The following VPS50 variants were observed in gnomAD, a reference collection of about 807,000 sequenced individuals.
VPS50 encodes VPS50 subunit of EARP/GARPII complex.
A neutral mutation model predicts 139.7 loss-of-function variants in VPS50; 70 were observed. The observed-to-expected ratio is 0.50, with a 90% confidence interval of 0.41 to 0.61. The LOEUF is 0.61. Among genes scored for constraint, VPS50 ranks in the 20% least tolerant of loss-of-function variants. VPS50 has a pLI of 0.00. For missense variants in VPS50, 921 were observed against 1,133.7 expected, an observed-to-expected ratio of 0.81 and a Z score of 2.69; for synonymous variants, 365 against 376.7, an observed-to-expected ratio of 0.97 and a Z score of 0.36.
intron 25 of VPS50, among the ~76,000 whole-genome samples, chr7:93,351,036 A>G (rs1798541292): frequency 6.6e-6 from 1 of 152,102 alleles, no homozygotes. Context: ...TAAAATAGAG[A>G]TGGTAATGGA....
Position 93,358,582 on chromosome 7 carries a change from T to A in VPS50, c.*146T>A, listed in dbSNP as rs1798770697. ...GACTGGAAAGTGGAAAATATTGAAA[T>A]GTGTGTGGTGTTCTCATGACTTTTA... On this transcript the variant is annotated 3_prime_UTR_variant, in exon 28 of 28. Transcript: ENST00000305866. 1.5e-6 allele frequency: 1 copy of A among 666,592 alleles called. No homozygotes were observed. The highest frequency in any genetic ancestry group is 2.6e-6 in the Non-Finnish European group (1 of 383,744). The allele number at this position is 666,592 out of a possible 1,614,324, so 41.3% of individuals were successfully genotyped here.
Position 93,297,173 on chromosome 7 carries a change from G to A in VPS50, c.1291G>A (p.Gly431Ser), listed in dbSNP as rs756733532. ...RLMQVGEEFC[G>S]SKSEVLQESI... ...GATGCAAGTTGGAGAAGAATTTTGT[G>A]GTAGCAAGTCTGAAGTTTTACAGGA... Residue 431 changes from glycine (G) to serine (S), a missense_variant, in exon 16 of 28, where the codon GGT (glycine) becomes AGT (serine). By Grantham distance (56) the Gly-to-Ser change is moderately conservative. This residue lies in a region of VPS50 where 744 missense variants were observed against 930.6 expected (regional missense o/e 0.80). Coordinates refer to ENST00000305866, the MANE Select transcript of VPS50 (RefSeq NM_017667.4). 5 of 1,563,202 alleles carry A rather than the reference G, an allele frequency of 3.2e-6. No homozygotes were observed. The highest frequency in any genetic ancestry group is 3.3e-4 in the Middle Eastern group (2 of 5,974).
intron 13 of VPS50, among the ~76,000 whole-genome samples, chr7:93,293,329 A>C (rs1302951857): frequency 6.6e-6 from 1 of 152,194 alleles, no homozygotes; most frequent in Non-Finnish European, 1.5e-5. Flanking sequence ...TAGATATCAG[A>C]ATTTAGGTGA....
intron 21 of VPS50, 58 bp downstream of exon 21, chr7:93,323,790 C>A: frequency 1.1e-6 from 1 of 893,050 alleles, no homozygotes. Flanking sequence ...TTATAAATGT[C>A]AAAGTTTTTC....
chr7:93,315,114 G>T lies in VPS50; in HGVS notation c.1855+3842G>T, dbSNP rs533523346. On this transcript the variant is annotated intron_variant, in intron 20 of 27. Transcript: ENST00000305866. ...TATCTCCTCTCTCCTATTTTTTTTT[G>T]TTGTTGTTTTGTTTCAAAAATTGGA... Among the ~76,000 whole-genome samples the T allele has an allele frequency of 5.2e-3, 783 of 150,788 alleles. 7 individuals carry two copies. The highest frequency in any genetic ancestry group is 0.018 in the African/African-American group (737 of 41,140).
intron 27 of VPS50, among the ~76,000 whole-genome samples, chr7:93,358,104 T>C (rs988640325): frequency 6.6e-6 from 1 of 152,146 alleles, no homozygotes; most frequent in African/African-American, 2.4e-5. Context: ...TGCTTACTGT[T>C]TCAAATGTGT....
intron 19 of VPS50, 61 bp downstream of exon 19, chr7:93,309,003 T>C: frequency 1.2e-6 from 1 of 869,550 alleles, no homozygotes; most frequent in Middle Eastern, 2.3e-4. Context: ...ACATATAGGA[T>C]TTCCTTTAAG....
Position 93,328,242 on chromosome 7 carries a change from A to G in VPS50, c.1977+4510A>G, listed in dbSNP as rs118191312. The stretch of plus-strand genomic sequence containing the variant: ...CTTTCTGGTTCACATTTTTTTGTGA[A>G]GACCATTCTGTAACTTACTTAAAAC... On this transcript the variant is annotated intron_variant, in intron 21 of 27. Transcript: ENST00000305866. Among the ~76,000 whole-genome samples the G allele has an allele frequency of 8.5e-3, 1,291 of 152,254 alleles. 9 individuals carry two copies. Among genetic ancestry groups the G allele is most frequent in the Non-Finnish European group, 0.013 (875 of 68,016 alleles).
intron 13 of VPS50, among the ~76,000 whole-genome samples, chr7:93,293,046 A>G (rs900338023): frequency 3.3e-5 from 5 of 152,160 alleles, no homozygotes; most frequent in African/African-American, 7.2e-5. Flanking sequence ...CCCATTCTTC[A>G]GTTTGCTCCT....
At chr7:93,259,692 T>C (rs1183629252) in intron 9 of VPS50, 60 bp downstream of exon 9, 1 of 845,332 alleles carries the variant, frequency 1.2e-6, no homozygotes, top group East Asian at 2.5e-5. Context: ...GTAGCAGCTG[T>C]GTAAAAATGT....
At chr7:93,291,438 A>G (rs1796645272) in intron 12 of VPS50, among the ~76,000 whole-genome samples, 1 of 152,070 alleles carries the variant, frequency 6.6e-6, no homozygotes, top group African/African-American at 2.4e-5. Flanking sequence ...TTGCTAATTC[A>G]GTAATTTCTT....
chr7:93,340,165 TAATTA>T (rs1798174092), intron 22 of VPS50, among the ~76,000 whole-genome samples: 1 of 152,162 alleles, frequency 6.6e-6, no homozygotes, highest in Admixed American at 6.6e-5. Context: ...CAGAAAACAA[TAATTA>T]AAAGTCTCTT....
intron 4 of VPS50, 125 bp from the exon 5 acceptor site, chr7:93,256,384 A>C: frequency 4.0e-6 from 2 of 502,676 alleles, no homozygotes; most frequent in East Asian, 7.2e-5. Context: ...TAGTATGCCA[A>C]TATCTGCTCC....
chr7:93,292,573 CT>C (rs761011848), intron 13 of VPS50, among the ~76,000 whole-genome samples: 16 of 151,012 alleles, frequency 1.1e-4, no homozygotes, highest in African/African-American at 2.9e-4. Context: ...TACTGCACAT[CT>C]TTTTTTTTGT....
intron 1 of VPS50, among the ~76,000 whole-genome samples, chr7:93,234,975 C>G (rs1056602987): frequency 6.6e-6 from 1 of 151,582 alleles, no homozygotes; most frequent in Non-Finnish European, 1.5e-5. Context: ...AAGGCAGACA[C>G]GGTGATAAAC....
chr7:93,301,323 G>A (rs1263098332), intron 16 of VPS50, among the ~76,000 whole-genome samples: 1 of 150,496 alleles, frequency 6.6e-6, no homozygotes, highest in Non-Finnish European at 1.5e-5. Context: ...GAAATACGTT[G>A]TTGTAATGGT....
intron 20 of VPS50, chr7:93,321,169 C>T (rs979861316): frequency 1.3e-5 from 2 of 152,198 alleles, no homozygotes; most frequent in Non-Finnish European, 2.9e-5. Context: ...AGAGACTGTG[C>T]GGTATGCAAA....
At chr7:93,254,669 A>G (rs576226650) in intron 4 of VPS50, among the ~76,000 whole-genome samples, 1 of 151,494 alleles carries the variant, frequency 6.6e-6, no homozygotes, top group African/African-American at 2.4e-5. Flanking sequence ...AACCTCAGTG[A>G]CTCCCTTTTG....
intron 19 of VPS50, among the ~76,000 whole-genome samples, chr7:93,310,117 T>C (rs1797224810): frequency 6.6e-6 from 1 of 152,038 alleles, no homozygotes; most frequent in Non-Finnish European, 1.5e-5. Flanking sequence ...TGGGAATATT[T>C]TGGCCAAAAG....
Sources: gnomAD v4.1 joint callset for allele counts (sites outside exome capture counted in the v4.1 genomes callset) on GRCh38, gnomAD v4.1.1 for gene constraint, gnomAD v4.1.1 regional missense constraint, MANE v1.5 for transcripts, NCBI Gene and HGNC (gene_info 2026-07-23, HGNC 2026-07-21) for gene names.